Variants in CDH5 observed in about 807,000 individuals in gnomAD.
The protein encoded by CDH5 is cadherin-5.
CDH5 carries 28 observed loss-of-function variants against 62.0 expected under a neutral mutation model. The ratio of observed to expected loss-of-function variants is 0.45; its 90% CI spans 0.33 to 0.62. The LOEUF is 0.62. Ranked by LOEUF, CDH5 falls within the 20% of genes least tolerant of loss-of-function variation. The pLI is 0.02. For missense variants in CDH5, 940 were observed against 1,065.1 expected (o/e 0.88, Z 1.63); for synonymous variants, 464 against 445.8 (o/e 1.04, Z -0.52).
intron 4 of CDH5, 32 bp downstream of exon 4, chr16:66,388,472 T>C: frequency 7.1e-7 from 1 of 1,406,998 alleles, no homozygotes; most frequent in Non-Finnish European, 1.0e-6. Flanking sequence ...GGACAGTCAC[T>C]GATTTGGAGG....
rs1961183099 is a variant in CDH5 at position 66,396,212 on chromosome 16, A to G, written c.1360+11A>G. On this transcript the variant is annotated intron_variant, in intron 8 of 11. Transcript: ENST00000341529. Reference sequence around the variant, plus strand: ...AACTGGATTCCACTGGTGAGTGGCCACATCTGCCAGGGCACCTGGATTCTT... The same window carrying G: ...AACTGGATTCCACTGGTGAGTGGCCGCATCTGCCAGGGCACCTGGATTCTT... The G allele has an allele frequency of 6.2e-7, 1 of 1,613,622 alleles. No individual in the cohort carries two copies. The highest frequency in any genetic ancestry group is 8.5e-7 in the Non-Finnish European group (1 of 1,179,858).
At position 66,403,537 on chromosome 16, in the gene CDH5, C is replaced by T. The variant is rs192437171; in HGVS notation, c.*368C>T. 41 of 269,416 alleles carry T rather than the reference C, an allele frequency of 1.5e-4. No homozygotes were observed. The highest frequency in any genetic ancestry group is 2.0e-4 in the Non-Finnish European group (28 of 139,264). The allele number at this position is 269,416 out of a possible 1,614,324, so 16.7% of individuals were successfully genotyped here. A position where few individuals can be genotyped will look rare whatever the true frequency, so the allele number is the denominator to read the frequency against. On this transcript the variant is annotated 3_prime_UTR_variant, in exon 12 of 12. Transcript: ENST00000341529. This position sits in a 1 kb window ranked among gnomAD's most constrained non-coding sequence, Gnocchi z 4.3. ...TGCTGCAGGGTCTTTTTCTAGGGTC[C>T]CTGAACGCCCTGGTAAGGCTGGTGA...
rs144228887 is a variant in CDH5 at position 66,371,806 on chromosome 16, T to C, written c.-20+5048T>C. Among the ~76,000 whole-genome samples the C allele has an allele frequency of 6.4e-3, 973 of 152,114 alleles. 11 individuals carry two copies. Among genetic ancestry groups the C allele is most frequent in the African/African-American group, 0.022 (923 of 41,470 alleles). The stretch of plus-strand genomic sequence containing the variant: ...AGGACCAGCCCAGGGGCTGAGGGGC[T>C]GGACCAGCCCATTGAGGGGCCCCCA... On this transcript the variant is annotated intron_variant, in intron 1 of 11. Coordinates refer to ENST00000341529, the MANE Select transcript of CDH5 (RefSeq NM_001795.5).
In CDH5 at chr16:66,398,116, G is replaced by A. The variant is rs371448352; in HGVS notation, c.1485+10G>A. 85 of 1,614,106 alleles carry A rather than the reference G, an allele frequency of 5.3e-5. No homozygotes were observed. The highest frequency in any genetic ancestry group is 3.2e-4 in the Admixed American group (19 of 60,010). ...CGCTGTCCATGGCCAGGTGAGTCTG[G>A]TTCAGGTGGGAGGGGAAGGCAGCAC... On this transcript the variant is annotated intron_variant, in intron 9 of 11. Transcript: ENST00000341529.
chr16:66,403,489 A>G lies in CDH5; in HGVS notation c.*320A>G, dbSNP rs1961335913. ...CTTCCTCTGGCTCCCCAAGGCTGCA[A>G]AGCAAAACAGACTGTGTTTAACTGC... is the stretch of plus-strand genomic sequence containing the variant. On this transcript the variant is annotated 3_prime_UTR_variant, in exon 12 of 12. Transcript: ENST00000341529. This position sits in a 1 kb window ranked among gnomAD's most constrained non-coding sequence, Gnocchi z 4.3. The G allele has an allele frequency of 2.6e-6, 1 of 390,356 alleles. No homozygotes were observed. The allele number at this position is 390,356 out of a possible 1,614,324, so 24.2% of individuals were successfully genotyped here.
chr16:66,387,794 A>T (rs1208815107), intron 3 of CDH5, among the ~76,000 whole-genome samples: 1 of 152,026 alleles, frequency 6.6e-6, no homozygotes, highest in African/African-American at 2.4e-5. Flanking sequence ...ACTAGCCCCA[A>T]GGTATGTCAC....
intron 5 of CDH5, among the ~76,000 whole-genome samples, chr16:66,389,945 C>T (rs938865974): frequency 2.0e-5 from 3 of 152,234 alleles, no homozygotes; most frequent in Non-Finnish European, 2.9e-5. Flanking sequence ...GGCCCTGACC[C>T]CACCTACACA....
intron 5 of CDH5, 99 bp downstream of exon 5, chr16:66,389,621 C>T: frequency 9.4e-7 from 1 of 1,065,080 alleles, no homozygotes; most frequent in South Asian, 1.9e-5. Context: ...CTTTACCTCT[C>T]CCTCTATCCC....
intron 1 of CDH5, among the ~76,000 whole-genome samples, chr16:66,371,363 T>A (rs1328443924): frequency 6.6e-6 from 1 of 152,088 alleles, no homozygotes; most frequent in Non-Finnish European, 1.5e-5. Context: ...CTGCATGTTC[T>A]AGGCCGGCTC....
At position 66,400,997 on chromosome 16, in the gene CDH5, C is replaced by T. The variant is rs778583066; in HGVS notation, c.1818C>T (p.Leu606=). 3 of 1,614,064 alleles carry T rather than the reference C, an allele frequency of 1.9e-6. No homozygotes were observed. Among genetic ancestry groups the T allele is most frequent in the East Asian group, 4.5e-5 (2 of 44,888 alleles). The part of the protein sequence containing the change: ...VSIQAVVAIL[L]CILTITVITL... ...TCCAGGCAGTGGTAGCCATCTTACTCTGCATCCTCACCATCACAGGTCAGT... is the reference window on the plus strand; with the variant it reads ...TCCAGGCAGTGGTAGCCATCTTACTTTGCATCCTCACCATCACAGGTCAGT... Residue 606 remains leucine, a synonymous_variant, in exon 11 of 12, where the codon CTC becomes CTT. Coordinates refer to ENST00000341529, the MANE Select transcript of CDH5 (RefSeq NM_001795.5).
chr16:66,398,190 A>G, intron 9 of CDH5, 84 bp downstream of exon 9: 3 of 1,504,344 alleles, frequency 2.0e-6, no homozygotes, highest in Non-Finnish European at 2.8e-6. Context: ...AGTCAGCAGG[A>G]GTTCCCCTGT....
intron 6 of CDH5, 127 bp from the exon 7 acceptor site, chr16:66,392,009 G>A (rs984891687): frequency 6.1e-6 from 7 of 1,138,552 alleles, no homozygotes; most frequent in Non-Finnish European, 8.9e-6. Context: ...ACTTGTCGAG[G>A]CCATGGGCCC....
chr16:66,398,917 T>C (rs1439034804), intron 10 of CDH5, among the ~76,000 whole-genome samples: 1 of 152,162 alleles, frequency 6.6e-6, no homozygotes, highest in South Asian at 2.1e-4. Flanking sequence ...TATGCAATGG[T>C]CAGAGACACT....
At position 66,375,944 on chromosome 16, in the gene CDH5, T is replaced by C. The variant is rs1467614569; in HGVS notation, c.-19-3375T>C. Reference sequence around the variant, plus strand: ...CAACAAGGTGAAACCCCGTCTCTACTAAAAATACAAAAAAAAATTGGCCGG... The same window carrying C: ...CAACAAGGTGAAACCCCGTCTCTACCAAAAATACAAAAAAAAATTGGCCGG... On this transcript the variant is annotated intron_variant, in intron 1 of 11. Transcript: ENST00000341529. Among the ~76,000 whole-genome samples the C allele has an allele frequency of 2.0e-5, 3 of 151,538 alleles. 1 individual carries two copies. Among genetic ancestry groups the C allele is most frequent in the Admixed American group, 1.3e-4 (2 of 15,240 alleles).
intron 11 of CDH5, 25 bp from the exon 12 acceptor site, chr16:66,402,627 C>T: frequency 1.3e-6 from 2 of 1,539,938 alleles, no homozygotes; most frequent in Non-Finnish European, 1.7e-6. Flanking sequence ...TTGTCTGACT[C>T]TGCTGCTCGG....
intron 7 of CDH5, 74 bp downstream of exon 7, chr16:66,392,457 C>T (rs972664203): frequency 6.3e-7 from 1 of 1,574,994 alleles, no homozygotes; most frequent in Non-Finnish European, 8.7e-7. Context: ...TGGTCTGAGG[C>T]CAGGACTCAG....
intron 4 of CDH5, 27 bp from the exon 5 acceptor site, chr16:66,389,331 T>C (rs1052608209): frequency 1.3e-6 from 2 of 1,595,298 alleles, no homozygotes; most frequent in South Asian, 2.2e-5. Context: ...GCTGGTAACA[T>C]GGTTCCTGCT....
At chr16:66,397,485 G>A (rs949765429) in intron 8 of CDH5, among the ~76,000 whole-genome samples, 17 of 151,976 alleles carry the variant, frequency 1.1e-4, no homozygotes, top group African/African-American at 3.9e-4. Context: ...GCCTTTCAAA[G>A]TATGAAATTA....
At chr16:66,398,194 C>T in intron 9 of CDH5, 88 bp downstream of exon 9, 2 of 1,471,640 alleles carry the variant, frequency 1.4e-6, no homozygotes, top group Non-Finnish European at 1.9e-6. Flanking sequence ...AGCAGGAGTT[C>T]CCCTGTACAA....
Sources: allele counts gnomAD v4.1 joint callset (sites outside exome capture counted in the v4.1 genomes callset), GRCh38; gene constraint gnomAD v4.1.1; non-coding constraint Gnocchi (gnomAD v3.1); transcripts MANE v1.5; gene names NCBI Gene and HGNC (gene_info 2026-07-23, HGNC 2026-07-21).